The following ELAVL3 variants were observed in gnomAD, a reference collection of about 807,000 sequenced individuals.
The protein encoded by ELAVL3 is ELAV-like protein 3.
Under a neutral mutation model 34.2 loss-of-function variants are expected in ELAVL3, and 8 were observed. The ratio of observed to expected loss-of-function variants is 0.23; its 90% CI spans 0.14 to 0.42. ELAVL3 has a LOEUF of 0.42. Among genes scored for constraint, ELAVL3 ranks in the 10% least tolerant of loss-of-function variants. The pLI, the probability that ELAVL3 is intolerant of heterozygous loss-of-function variation, is 1.00. For missense variants in ELAVL3, 273 were observed against 518.8 expected (o/e 0.53, Z 4.60); for synonymous variants, 209 against 222.1 (o/e 0.94, Z 0.53).
At chr19:11,476,764 T>C (rs1320247797) in intron 1 of ELAVL3, among the ~76,000 whole-genome samples, 1 of 151,980 alleles carries the variant, frequency 6.6e-6, no homozygotes, top group Non-Finnish European at 1.5e-5. Flanking sequence ...CCAGGCATGG[T>C]GGTGGGCACC....
intron 3 of ELAVL3, among the ~76,000 whole-genome samples, chr19:11,464,602 C>G (rs530245107): frequency 6.9e-6 from 1 of 145,036 alleles, no homozygotes. Flanking sequence ...TACACACACA[C>G]ATACACCACA....
chr19:11,479,001 G>A (rs1474213762), intron 1 of ELAVL3, among the ~76,000 whole-genome samples: 1 of 152,182 alleles, frequency 6.6e-6, no homozygotes, highest in African/African-American at 2.4e-5. Context: ...CTCCCAGCCT[G>A]TCCCCATGAT....
intron 5 of ELAVL3, among the ~76,000 whole-genome samples, chr19:11,457,526 C>G (rs77930778): frequency 6.6e-6 from 1 of 152,184 alleles, no homozygotes; most frequent in Non-Finnish European, 1.5e-5. Flanking sequence ...CCCGGCCACC[C>G]GGGGGCCCAC....
chr19:11,476,054 T>C (rs972126398), intron 1 of ELAVL3, among the ~76,000 whole-genome samples: 3 of 152,196 alleles, frequency 2.0e-5, no homozygotes, highest in Non-Finnish European at 4.4e-5. Context: ...TTGGGTTGAT[T>C]AGCAATGTCT....
At chr19:11,473,499 C>A (rs1971206926) in intron 1 of ELAVL3, among the ~76,000 whole-genome samples, 1 of 152,242 alleles carries the variant, frequency 6.6e-6, no homozygotes, top group African/African-American at 2.4e-5. Context: ...TACATATTAT[C>A]TCAACCATCC....
At chr19:11,467,252 A>ATC (rs1372817209) in intron 1 of ELAVL3, among the ~76,000 whole-genome samples, 1 of 151,808 alleles carries the variant, frequency 6.6e-6, no homozygotes, top group Non-Finnish European at 1.5e-5. Context: ...GAGAAACTCC[A>ATC]TCTCTACTAA....
chr19:11,480,960 G>T lies in ELAVL3; in HGVS notation c.-352C>A. ...GCCTTTCGCCGCCGCCCCTCGGTCGGTCCTGTCCGGTCCCGTGTGTTCAAG... is the reference window on the plus strand; with the variant it reads ...GCCTTTCGCCGCCGCCCCTCGGTCGTTCCTGTCCGGTCCCGTGTGTTCAAG... On this transcript the variant is annotated 5_prime_UTR_variant, in exon 1 of 7. Coordinates refer to ENST00000359227, the MANE Select transcript of ELAVL3 (RefSeq NM_001420.4). The surrounding 1 kb of genome is among the most constrained non-coding windows in gnomAD (Gnocchi z 6.8). 1 of 245,172 alleles carries T rather than the reference G, an allele frequency of 4.1e-6. No homozygotes were observed. The allele number at this position is 245,172 out of a possible 1,614,324, so 15.2% of individuals were successfully genotyped here.
intron 3 of ELAVL3, among the ~76,000 whole-genome samples, chr19:11,461,282 G>A (rs1970878310): frequency 6.6e-6 from 1 of 152,172 alleles, no homozygotes; most frequent in Admixed American, 6.6e-5. Flanking sequence ...TATTTACAAA[G>A]CAGGGAATAT....
intron 1 of ELAVL3, among the ~76,000 whole-genome samples, chr19:11,475,552 C>T (rs1314505721): frequency 6.6e-6 from 1 of 151,950 alleles, no homozygotes; most frequent in Admixed American, 6.6e-5. Context: ...GATCCTCCTG[C>T]CTCTGCCTTC....
chr19:11,457,974 C>T, intron 5 of ELAVL3, 87 bp downstream of exon 5: 2 of 1,424,796 alleles, frequency 1.4e-6, no homozygotes, highest in South Asian at 1.2e-5. Flanking sequence ...CTCCCGGCAT[C>T]CCTCCCTTCG....
At chr19:11,478,306 C>T (rs1173193847) in intron 1 of ELAVL3, among the ~76,000 whole-genome samples, 1 of 152,174 alleles carries the variant, frequency 6.6e-6, no homozygotes. Context: ...CTGGCCACCA[C>T]CCGTTCTCCC....
chr19:11,477,950 A>G (rs1338118505), intron 1 of ELAVL3, among the ~76,000 whole-genome samples: 1 of 152,186 alleles, frequency 6.6e-6, no homozygotes, highest in African/African-American at 2.4e-5. Flanking sequence ...TTGGGCTCCC[A>G]AAGTGCTGAG....
In ELAVL3 at chr19:11,454,906, C is replaced by A; in HGVS notation, c.753-29G>T. The A allele has an allele frequency of 6.4e-7, 1 of 1,565,854 alleles. No individual in the cohort carries two copies. The highest frequency in any genetic ancestry group is 1.2e-5 in the South Asian group (1 of 85,628). ...CTTTGGGGGTCACGCGGGCTCTGCC[C>A]TGACCCCCCGCATGCTTCTGACCCC... On this transcript the variant is annotated intron_variant, in intron 6 of 6. Coordinates refer to ENST00000359227, the MANE Select transcript of ELAVL3 (RefSeq NM_001420.4). This position sits in a 1 kb window ranked among gnomAD's most constrained non-coding sequence, Gnocchi z 9.2.
At chr19:11,479,604 G>T (rs1290421386) in intron 1 of ELAVL3, among the ~76,000 whole-genome samples, 1 of 151,632 alleles carries the variant, frequency 6.6e-6, no homozygotes, top group Non-Finnish European at 1.5e-5. Context: ...CCGGGCTGCC[G>T]AGTGGGAATC....
chr19:11,474,782 G>A (rs1021026907), intron 1 of ELAVL3, among the ~76,000 whole-genome samples: 3 of 152,162 alleles, frequency 2.0e-5, no homozygotes, highest in African/African-American at 7.2e-5. Flanking sequence ...CTCTCAAGTA[G>A]CTATGACTAC....
intron 1 of ELAVL3, among the ~76,000 whole-genome samples, chr19:11,475,959 G>A (rs1971255237): frequency 6.6e-6 from 1 of 152,074 alleles, no homozygotes; most frequent in African/African-American, 2.4e-5. Flanking sequence ...CAGCTCCCCT[G>A]CATCTCCAAT....
chr19:11,475,397 C>G (rs1311067828), intron 1 of ELAVL3, among the ~76,000 whole-genome samples: 1 of 152,052 alleles, frequency 6.6e-6, no homozygotes, highest in South Asian at 2.1e-4. Context: ...CCTGAACTCT[C>G]AGGCTCAAGT....
intron 1 of ELAVL3, among the ~76,000 whole-genome samples, chr19:11,471,567 C>G (rs1385165293): frequency 6.6e-6 from 1 of 151,834 alleles, no homozygotes; most frequent in Non-Finnish European, 1.5e-5. Flanking sequence ...GAGCTGAGAT[C>G]GCGCCATTGC....
intron 1 of ELAVL3, among the ~76,000 whole-genome samples, chr19:11,479,395 A>G (rs892726018): frequency 1.3e-5 from 2 of 152,060 alleles, no homozygotes; most frequent in East Asian, 3.9e-4. Flanking sequence ...CCACGACTCG[A>G]AAAAGGGGCC....
Sources: gnomAD v4.1 joint callset for allele counts (sites outside exome capture counted in the v4.1 genomes callset) on GRCh38, gnomAD v4.1.1 for gene constraint, Gnocchi (gnomAD v3.1) non-coding constraint, MANE v1.5 for transcripts, NCBI Gene and HGNC (gene_info 2026-07-23, HGNC 2026-07-21) for gene names.